GPHN: variants seen among roughly 807,000 people sequenced by gnomAD.
GPHN encodes the protein gephyrin.
A neutral mutation model predicts 95.5 loss-of-function variants in GPHN; 17 were observed. The ratio of observed to expected loss-of-function variants is 0.18; its 90% confidence interval spans 0.12 to 0.27. GPHN has a LOEUF of 0.27. GPHN is among the 10% of genes least tolerant of loss of function. The probability of loss-of-function intolerance (pLI) is 1.00; values close to 1 mark genes in which losing one functional copy is unlikely to be tolerated. For synonymous variants in GPHN, 320 were observed against 322.5 expected (o/e 0.99, Z 0.08); for missense variants, 660 against 978.1 (o/e 0.67, Z 4.34).
chr14:66,618,979 G>T (rs529260195), intron 1 of GPHN, among the ~76,000 whole-genome samples: 3 of 152,172 alleles, frequency 2.0e-5, no homozygotes, highest in African/African-American at 7.2e-5. Flanking sequence ...ATAATGATCA[G>T]TTTGCATTTT....
At chr14:67,521,037 T>C in the GPHN span, among the ~76,000 whole-genome samples, 1 of 152,238 alleles carries the variant, frequency 6.6e-6, no homozygotes, top group Non-Finnish European at 1.5e-5. Context: ...CGTTGTTCTC[T>C]GTAAAGTTCT....
chr14:67,599,340 G>A, the GPHN span, among the ~76,000 whole-genome samples: 5 of 152,200 alleles, frequency 3.3e-5, no homozygotes, highest in Non-Finnish European at 5.9e-5. Flanking sequence ...AAGCTGGTAT[G>A]GCAGGCATGA....
chr14:66,558,262 A>G (rs1430894897), intron 1 of GPHN, among the ~76,000 whole-genome samples: 1 of 152,124 alleles, frequency 6.6e-6, no homozygotes, highest in Non-Finnish European at 1.5e-5. Context: ...TCATGATAGT[A>G]TATACTCCCA....
chr14:67,294,045 A>C, the GPHN span, among the ~76,000 whole-genome samples: 7 of 152,228 alleles, frequency 4.6e-5, no homozygotes, highest in African/African-American at 1.2e-4. Context: ...TAAAGAGTAA[A>C]TGCCTTGGGA....
the GPHN span, among the ~76,000 whole-genome samples, chr14:67,549,427 C>A: frequency 6.6e-6 from 1 of 152,002 alleles, no homozygotes; most frequent in Non-Finnish European, 1.5e-5. Flanking sequence ...CATGCCACCA[C>A]GCCCAGCTAA....
the GPHN span, among the ~76,000 whole-genome samples, chr14:67,567,249 G>C: frequency 2.6e-5 from 4 of 152,140 alleles, no homozygotes; most frequent in Admixed American, 6.5e-5. Flanking sequence ...AGGGCGGTGG[G>C]GGAATGAAAT....
chr14:67,221,814 A>C, the GPHN span: 3 of 1,612,648 alleles, frequency 1.9e-6, no homozygotes, highest in African/African-American at 4.0e-5. Context: ...TCAGGTATGG[A>C]ACAAATTCCA....
the GPHN span, chr14:67,692,690 A>AT: frequency 7.1e-7 from 1 of 1,400,718 alleles, no homozygotes; most frequent in Non-Finnish European, 9.7e-7. Flanking sequence ...AAAAACACAC[A>AT]TTTTTACCCT....
chr14:67,049,313 C>T (rs942509304), intron 10 of GPHN, among the ~76,000 whole-genome samples: 1 of 152,020 alleles, frequency 6.6e-6, no homozygotes, highest in African/African-American at 2.4e-5. Flanking sequence ...CTGCAAGCTC[C>T]GCCTCCCGGG....
Position 66,581,064 on chromosome 14 carries a change from A to G in GPHN, c.64+72473A>G, listed in dbSNP as rs113711759. 6.3e-4 allele frequency among the ~76,000 whole-genome samples: 96 copies of G among 151,948 alleles called. 2 individuals carry two copies. The highest frequency in any genetic ancestry group is 1.9e-3 in the Admixed American group (29 of 15,254). On this transcript the variant is annotated intron_variant, in intron 1 of 22. Coordinates refer to ENST00000478722, the MANE Select transcript of GPHN (RefSeq NM_020806.5). ...TAGAATAAATTACAAAAACCATGTG[A>G]TTATCTCAATAAATGCAGAAAAAGC... is the stretch of plus-strand genomic sequence containing the variant.
intron 11 of GPHN, among the ~76,000 whole-genome samples, chr14:67,066,241 T>C (rs1382627754): frequency 1.3e-5 from 2 of 152,228 alleles, no homozygotes; most frequent in African/African-American, 4.8e-5. Flanking sequence ...TCTTTAAGAA[T>C]GTTGAATATT....
chr14:67,397,393 C>T, the GPHN span, among the ~76,000 whole-genome samples: 1 of 152,202 alleles, frequency 6.6e-6, no homozygotes, highest in Admixed American at 6.5e-5. Context: ...TCTAATACAC[C>T]GTGACCTTCA....
the GPHN span, among the ~76,000 whole-genome samples, chr14:67,276,073 T>G: frequency 2.0e-3 from 309 of 152,344 alleles, no homozygotes; most frequent in African/African-American, 7.0e-3. Flanking sequence ...AATCAGCTCC[T>G]GGATTCATTG....
In GPHN at chr14:66,720,836, G is replaced by A. The variant is rs147690781; in HGVS notation, c.143+39651G>A. 2.0e-3 allele frequency among the ~76,000 whole-genome samples: 301 copies of A among 152,236 alleles called. 2 individuals are homozygous for A. The highest frequency in any genetic ancestry group is 6.2e-3 in the Admixed American group (95 of 15,290). On this transcript the variant is annotated intron_variant, in intron 2 of 22. Coordinates refer to ENST00000478722, the MANE Select transcript of GPHN (RefSeq NM_020806.5). ...GCTATGATCACACCGCTGCACTCTT[G>A]CCTTATTGATGGAGAGAGATGCTGT...
the GPHN span, among the ~76,000 whole-genome samples, chr14:67,255,832 C>T: frequency 6.6e-6 from 1 of 152,174 alleles, no homozygotes; most frequent in African/African-American, 2.4e-5. Flanking sequence ...GGATTGCAGG[C>T]ACCTGCCACT....
intron 11 of GPHN, among the ~76,000 whole-genome samples, chr14:67,066,773 C>G (rs1026477619): frequency 6.6e-6 from 1 of 152,178 alleles, no homozygotes; most frequent in Non-Finnish European, 1.5e-5. Context: ...TGGTTTTCAG[C>G]TACATCAGGT....
intron 1 of GPHN, among the ~76,000 whole-genome samples, chr14:66,605,289 T>C (rs1428115903): frequency 6.6e-6 from 1 of 152,162 alleles, no homozygotes; most frequent in Non-Finnish European, 1.5e-5. Flanking sequence ...CTTTCCACAG[T>C]GGCTGAACTA....
the GPHN span, among the ~76,000 whole-genome samples, chr14:67,605,952 G>A: frequency 1.8e-4 from 28 of 152,300 alleles, no homozygotes; most frequent in Non-Finnish European, 3.4e-4. Context: ...CTCCTAAAGT[G>A]CTGGGATTAC....
At chr14:66,525,354 G>A (rs1037892467) in intron 1 of GPHN, among the ~76,000 whole-genome samples, 2 of 152,034 alleles carry the variant, frequency 1.3e-5, no homozygotes, top group African/African-American at 2.4e-5. Context: ...TTTTTTTCTT[G>A]TAAATTTGTT....
Sources: allele counts gnomAD v4.1 joint callset (sites outside exome capture counted in the v4.1 genomes callset), GRCh38; gene constraint gnomAD v4.1.1; transcripts MANE v1.5; gene names NCBI Gene and HGNC (gene_info 2026-07-23, HGNC 2026-07-21).